SERGEF: variants seen among roughly 807,000 people sequenced by gnomAD.
SERGEF encodes the protein secretion-regulating guanine nucleotide exchange factor.
In SERGEF, 51 loss-of-function variants were observed where a neutral mutation model predicts 50.0. The observed-to-expected ratio is 1.02, with a 90% CI of 0.81 to 1.29. SERGEF has a LOEUF of 1.29. Among genes scored for constraint, SERGEF ranks in the 50% most tolerant of loss-of-function variants. The pLI is 0.00. For missense variants in SERGEF, 521 were observed against 557.0 expected (o/e 0.94, Z 0.65); for synonymous variants, 205 against 212.4 (o/e 0.97, Z 0.30).
At chr11:17,920,943 A>G (rs920315838) in intron 9 of SERGEF, among the ~76,000 whole-genome samples, 1 of 152,238 alleles carries the variant, frequency 6.6e-6, no homozygotes, top group African/African-American at 2.4e-5. Context: ...TTACAAACTT[A>G]TCTTCAGGGG....
chr11:18,000,275 C>G (rs2134007834), intron 5 of SERGEF, among the ~76,000 whole-genome samples: 1 of 152,192 alleles, frequency 6.6e-6, no homozygotes, highest in South Asian at 2.1e-4. Flanking sequence ...TAGCGAGACC[C>G]TGTCTCTACA....
chr11:17,889,312 A>G (rs1289897721), intron 9 of SERGEF, among the ~76,000 whole-genome samples: 1 of 152,236 alleles, frequency 6.6e-6, no homozygotes, highest in East Asian at 1.9e-4. Context: ...ACCTTACACA[A>G]GAAATGTAGG....
At chr11:17,940,202 A>AG (rs933101887) in intron 9 of SERGEF, among the ~76,000 whole-genome samples, 2 of 152,132 alleles carry the variant, frequency 1.3e-5, no homozygotes, top group Non-Finnish European at 2.9e-5. Flanking sequence ...ACCAAAAAAG[A>AG]GGGGTCAAAG....
rs1186316343 is a variant in SERGEF at position 17,845,237 on chromosome 11, T to C, written c.1048+32971A>G. Among the ~76,000 whole-genome samples the C allele has an allele frequency of 4.6e-5, 7 of 152,342 alleles. No homozygotes were observed. The South Asian group carries it at 1.5e-3, about 32-fold the overall frequency. On this transcript the variant is annotated intron_variant, in intron 10 of 10. Transcript: ENST00000265965. ...ACTTCTTCATGTCCATTTTTTTTTA[T>C]AGCCTTAGCATAACAAAGTTAAATT...
At chr11:17,876,394 G>T (rs1208252181) in intron 10 of SERGEF, among the ~76,000 whole-genome samples, 1 of 152,136 alleles carries the variant, frequency 6.6e-6, no homozygotes, top group Non-Finnish European at 1.5e-5. Flanking sequence ...TTCCAACAAA[G>T]AAATATTTCA....
At chr11:17,931,993 A>C (rs1337352097) in intron 9 of SERGEF, among the ~76,000 whole-genome samples, 5 of 152,200 alleles carry the variant, frequency 3.3e-5, no homozygotes, top group Non-Finnish European at 7.3e-5. Context: ...ATTAAACCTA[A>C]GAGAAAAGCA....
intron 4 of SERGEF, among the ~76,000 whole-genome samples, chr11:18,001,294 C>A (rs370320978): frequency 6.6e-6 from 1 of 152,192 alleles, no homozygotes; most frequent in Admixed American, 6.5e-5. Context: ...GAGCTTAATA[C>A]CCCTCCCCTT....
At chr11:17,928,317 T>G (rs1852288159) in intron 9 of SERGEF, among the ~76,000 whole-genome samples, 3 of 152,034 alleles carry the variant, frequency 2.0e-5, no homozygotes, top group Admixed American at 2.0e-4. Flanking sequence ...TGTCTGAGCC[T>G]AGACAGTATG....
At chr11:17,930,050 T>A (rs960823189) in intron 9 of SERGEF, among the ~76,000 whole-genome samples, 8 of 152,182 alleles carry the variant, frequency 5.3e-5, no homozygotes, top group African/African-American at 1.7e-4. Context: ...TATAGCGGAA[T>A]AAGTGCAGGA....
At chr11:17,980,317 C>A (rs1304497483) in intron 8 of SERGEF, among the ~76,000 whole-genome samples, 1 of 152,200 alleles carries the variant, frequency 6.6e-6, no homozygotes. Context: ...TGGCCACTCT[C>A]CTGCCTCCTG....
chr11:17,878,080 T>C, intron 10 of SERGEF, 128 bp downstream of exon 10: 2 of 668,946 alleles, frequency 3.0e-6, no homozygotes, highest in Non-Finnish European at 5.2e-6. Context: ...AAAACTTCCA[T>C]TTCCCCCAAT....
chr11:18,000,501 A>G lies in SERGEF; in HGVS notation c.504T>C (p.Ala168=). The change falls in exon 5 of 11, where the codon GCT becomes GCC. Residue 168 remains alanine (A), a synonymous_variant. Transcript: ENST00000265965. ...AAATAAAGATAAGATGATCACCTGTAGCAGCTACTGCATGCCTCAGTCCAG... is the reference window on the plus strand; with the variant it reads ...AAATAAAGATAAGATGATCACCTGTGGCAGCTACTGCATGCCTCAGTCCAG... ...IAAGLRHAVA[A]TASGIVFQWG... is the part of the protein sequence containing the mutation. 6.3e-7 allele frequency: 1 copy of G among 1,575,052 alleles called. No homozygotes were observed. Among genetic ancestry groups the G allele is most frequent in the South Asian group, 1.2e-5 (1 of 84,126 alleles).
chr11:17,859,983 G>C (rs2133881775), intron 10 of SERGEF, among the ~76,000 whole-genome samples: 1 of 152,316 alleles, frequency 6.6e-6, no homozygotes, highest in South Asian at 2.1e-4. Flanking sequence ...GGAAGATAGG[G>C]AACAGGGATT....
At chr11:17,852,207 T>G (rs1211853381) in intron 10 of SERGEF, among the ~76,000 whole-genome samples, 1 of 152,214 alleles carries the variant, frequency 6.6e-6, no homozygotes, top group African/African-American at 2.4e-5. Context: ...TAAGATGACT[T>G]GCCCAAGGTC....
intron 8 of SERGEF, among the ~76,000 whole-genome samples, chr11:17,987,506 G>A (rs1265434645): frequency 4.6e-5 from 7 of 152,170 alleles, no homozygotes; most frequent in Non-Finnish European, 8.8e-5. Flanking sequence ...GGAAAGTGAC[G>A]ACCTTCCTCC....
intron 9 of SERGEF, among the ~76,000 whole-genome samples, chr11:17,951,578 C>T (rs1216607703): frequency 6.6e-6 from 1 of 152,166 alleles, no homozygotes; most frequent in Non-Finnish European, 1.5e-5. Context: ...GACACTGAGG[C>T]AGAGCCTGTA....
intron 9 of SERGEF, among the ~76,000 whole-genome samples, chr11:17,953,556 G>T (rs1483397877): frequency 6.6e-6 from 1 of 152,168 alleles, no homozygotes. Flanking sequence ...AACTGGCCTG[G>T]GATTGAGAAG....
intron 10 of SERGEF, among the ~76,000 whole-genome samples, chr11:17,868,155 C>T (rs547541733): frequency 6.6e-6 from 1 of 152,230 alleles, no homozygotes; most frequent in African/African-American, 2.4e-5. Context: ...TTTTCTATCA[C>T]ATCATCAGGC....
At chr11:17,919,986 G>A (rs1013908546) in intron 9 of SERGEF, among the ~76,000 whole-genome samples, 7 of 148,000 alleles carry the variant, frequency 4.7e-5, no homozygotes, top group African/African-American at 1.5e-4. Flanking sequence ...GGTGGCTCAC[G>A]CCTGTAATCC....
Sources: allele counts gnomAD v4.1 joint callset (sites outside exome capture counted in the v4.1 genomes callset), GRCh38; gene constraint gnomAD v4.1.1; transcripts MANE v1.5; gene names NCBI Gene and HGNC (gene_info 2026-07-23, HGNC 2026-07-21).